Variants in DMD observed in about 807,000 individuals in gnomAD.
DMD encodes the protein mutant dystrophin.
Under a neutral mutation model 330.1 loss-of-function variants are expected in DMD, and 63 were observed. That is an observed-to-expected ratio of 0.19 (90% CI 0.16 to 0.24). DMD has a LOEUF of 0.24. Ranked by LOEUF, DMD falls within the 10% of genes least tolerant of loss-of-function variation. The pLI, the probability that DMD is intolerant of heterozygous loss-of-function variation, is 1.00. For missense variants in DMD, 3,344 were observed against 2,684.1 expected (o/e 1.25, Z -5.43); for synonymous variants, 1,223 against 959.8 (o/e 1.27, Z -5.07).
At chrX:32,994,715 G>C (rs750831426) in intron 2 of DMD, among the ~76,000 whole-genome samples, 1 of 111,488 alleles carries the variant, frequency 9.0e-6, no homozygotes, top group African/African-American at 3.3e-5. Context: ...ACATAAGTTA[G>C]TGAGGTGATA....
At chrX:32,809,939 A>G (rs868246099) in intron 6 of DMD, among the ~76,000 whole-genome samples, 3 of 91,344 alleles carry the variant, frequency 3.3e-5, no homozygotes, top group African/African-American at 1.3e-4. Context: ...AAAAAAAAAA[A>G]AAAAAAAGAA....
chrX:32,020,796 A>G (rs1211344033), intron 44 of DMD, among the ~76,000 whole-genome samples: 1 of 112,859 alleles, frequency 8.9e-6, no homozygotes, highest in Non-Finnish European at 1.9e-5. Flanking sequence ...ATGCCAATTA[A>G]TAATTATATC....
chrX:32,468,871 C>A (rs1026146905), intron 22 of DMD, among the ~76,000 whole-genome samples, 161 bp from the exon 23 acceptor site: 2 of 111,288 alleles, frequency 1.8e-5, no homozygotes, highest in African/African-American at 6.5e-5. Context: ...TTAAATTTTA[C>A]ATATTATCCT....
chrX:32,387,455 T>A (rs1295423185), intron 32 of DMD, among the ~76,000 whole-genome samples: 2 of 111,432 alleles, frequency 1.8e-5, no homozygotes, highest in Non-Finnish European at 3.8e-5. Flanking sequence ...TATTTTAGTA[T>A]TACCAAAAAA....
At chrX:33,177,950 A>G (rs1326749942) in intron 1 of DMD, among the ~76,000 whole-genome samples, 2 of 112,235 alleles carry the variant, frequency 1.8e-5, no homozygotes, top group Non-Finnish European at 3.8e-5. Context: ...GAACAGATGT[A>G]TTGATTTCTC....
intron 45 of DMD, among the ~76,000 whole-genome samples, chrX:31,964,061 T>C (rs1161841245): frequency 1.8e-5 from 2 of 111,925 alleles, no homozygotes; most frequent in Non-Finnish European, 3.8e-5. Flanking sequence ...TGATGTGACG[T>C]AATACAAAAT....
intron 45 of DMD, among the ~76,000 whole-genome samples, chrX:31,951,139 A>ATATATATATATATATG (rs1557025403): frequency 6.9e-5 from 5 of 72,242 alleles, no homozygotes; most frequent in African/African-American, 3.1e-4. Context: ...ATATATATAT[A>ATATATATATATATATG]TGTGTATATA....
At chrX:33,143,509 C>T (rs1027070964) in intron 1 of DMD, among the ~76,000 whole-genome samples, 1 of 111,064 alleles carries the variant, frequency 9.0e-6, no homozygotes, top group African/African-American at 3.3e-5. Context: ...ATATTATGTT[C>T]CTGTAGTTAC....
chrX:31,809,169 TTA>T (rs34547031), intron 50 of DMD, among the ~76,000 whole-genome samples: 37 of 98,575 alleles, frequency 3.8e-4, no homozygotes, highest in Non-Finnish European at 6.4e-4. Context: ...ATATATGAGT[TTA>T]TATATATATG....
At chrX:32,665,679 G>A (rs1221989984) in intron 9 of DMD, among the ~76,000 whole-genome samples, 3 of 111,795 alleles carry the variant, frequency 2.7e-5, no homozygotes, top group Non-Finnish European at 3.8e-5. Flanking sequence ...ATAAGAACAC[G>A]TCCAAGAAGA....
intron 3 of DMD, among the ~76,000 whole-genome samples, chrX:32,845,227 C>G (rs893573772): frequency 1.8e-5 from 2 of 111,718 alleles, no homozygotes; most frequent in East Asian, 5.6e-4. Context: ...TTAGAAAAAT[C>G]TAAAGGAGAT....
intron 22 of DMD, among the ~76,000 whole-genome samples, chrX:32,469,092 T>G (rs1388050739): frequency 1.8e-5 from 2 of 110,614 alleles, no homozygotes; most frequent in Non-Finnish European, 3.8e-5. Flanking sequence ...GAAAGTAAAC[T>G]CTACATAAAA....
intron 62 of DMD, among the ~76,000 whole-genome samples, chrX:31,279,498 T>A (rs751169663): frequency 1.8e-5 from 2 of 111,819 alleles, no homozygotes; most frequent in East Asian, 5.7e-4. Flanking sequence ...CCCTATGACA[T>A]GACTTGCTTC....
intron 2 of DMD, among the ~76,000 whole-genome samples, chrX:32,991,798 T>C (rs2092986137): frequency 8.9e-6 from 1 of 112,152 alleles, no homozygotes. Context: ...GGAACTCAGA[T>C]ATTTATTAAC....
intron 1 of DMD, among the ~76,000 whole-genome samples, chrX:33,075,817 G>A (rs1356917101): frequency 9.0e-6 from 1 of 111,461 alleles, no homozygotes; most frequent in Non-Finnish European, 1.9e-5. Context: ...AATAACTTTG[G>A]GAGGAACTTA....
At chrX:32,596,068 A>G (rs936984217) in intron 12 of DMD, among the ~76,000 whole-genome samples, 192 bp from the exon 13 acceptor site, 7 of 111,769 alleles carry the variant, frequency 6.3e-5, no homozygotes, top group Non-Finnish European at 1.3e-4. Flanking sequence ...TTGTTAATTT[A>G]ACTGGAAAGT....
intron 48 of DMD, among the ~76,000 whole-genome samples, chrX:31,865,215 A>G (rs1283047170): frequency 8.9e-6 from 1 of 112,048 alleles, no homozygotes; most frequent in African/African-American, 3.2e-5. Flanking sequence ...ACACGCTTCA[A>G]GGTGTTATCA....
At chrX:33,059,160 G>A (rs1022373647) in intron 1 of DMD, among the ~76,000 whole-genome samples, 6 of 111,294 alleles carry the variant, frequency 5.4e-5, no homozygotes, top group Non-Finnish European at 1.1e-4. Flanking sequence ...TATCTCACTC[G>A]TAGATTATTT....
At chrX:32,790,905 G>T (rs1437656094) in intron 7 of DMD, among the ~76,000 whole-genome samples, 1 of 111,192 alleles carries the variant, frequency 9.0e-6, no homozygotes, top group East Asian at 2.8e-4. Context: ...GGAGCACCTT[G>T]CCCCTCGACT....
Sources: gnomAD v4.1 joint callset for allele counts (sites outside exome capture counted in the v4.1 genomes callset) on GRCh38, gnomAD v4.1.1 for gene constraint, MANE v1.5 for transcripts, NCBI Gene and HGNC (gene_info 2026-07-23, HGNC 2026-07-21) for gene names.